The following UNC13D variants were observed in gnomAD, a reference collection of about 807,000 sequenced individuals.
UNC13D encodes unc-13 homolog D.
Under a neutral mutation model 151.7 loss-of-function variants are expected in UNC13D, and 115 were observed. That is an observed-to-expected ratio of 0.76 (90% confidence interval 0.65 to 0.88). The LOEUF is 0.88. UNC13D is among the 40% of genes least tolerant of loss of function. UNC13D has a pLI of 0.00. For synonymous variants in UNC13D, 588 were observed against 612.2 expected (o/e 0.96, Z 0.58); for missense variants, 1,369 against 1,438.7 (o/e 0.95, Z 0.78).
Position 75,834,402 on chromosome 17 carries a change from G to A in UNC13D, c.2221C>T (p.Leu741=). 1 of 1,585,868 alleles carries A rather than the reference G, an allele frequency of 6.3e-7. No homozygotes were observed. Among genetic ancestry groups the A allele is most frequent in the Non-Finnish European group, 8.5e-7 (1 of 1,173,408 alleles). The change falls in exon 23 of 32, where the codon CTG becomes TTG. Residue 741 remains leucine (L), a synonymous_variant. Transcript: ENST00000207549. ...AGCGCGCTCTGCAGCTGGGCATGCA[G>A]CGTGTTCTGCAGCTGCCCCTGCTCC... The part of the protein sequence containing the change: ...VLEQGQLQNT[L]HAQLQSALAG...
chr17:75,828,956 C>T lies in UNC13D; in HGVS notation c.2982G>A (p.Lys994=), dbSNP rs1209913983. 3.1e-6 allele frequency: 5 copies of T among 1,605,036 alleles called. No individual in the cohort carries two copies. Among genetic ancestry groups the T allele is most frequent in the Non-Finnish European group, 4.2e-6 (5 of 1,179,554 alleles). Reference sequence around the variant, plus strand: ...CGGTGAGCAGGAGGCATGCCCCAGCCTTGCGGCACGGCTCAGCAGGCACCA... The same window carrying T: ...CGGTGAGCAGGAGGCATGCCCCAGCTTTGCGGCACGGCTCAGCAGGCACCA... ...EFLVPAEPCR[K]AGACLLLTVL... The change falls in exon 31 of 32, where the codon AAG becomes AAA. Residue 994 remains lysine, a synonymous_variant. Transcript: ENST00000207549.
At chr17:75,841,373 G>A (rs1324024246) in intron 6 of UNC13D, among the ~76,000 whole-genome samples, 1 of 151,110 alleles carries the variant, frequency 6.6e-6, no homozygotes, top group Non-Finnish European at 1.5e-5. Context: ...TTGAGCTTCT[G>A]ACCTCGTGAT....
intron 20 of UNC13D, 88 bp downstream of exon 20, chr17:75,835,321 G>T: frequency 6.5e-7 from 1 of 1,540,138 alleles, no homozygotes. Flanking sequence ...GCGGGTTACT[G>T]GCTTTTACTA....
At chr17:75,834,292 G>A (rs770470015) in intron 23 of UNC13D, 33 bp downstream of exon 23, 3 of 1,589,942 alleles carry the variant, frequency 1.9e-6, no homozygotes, top group Non-Finnish European at 1.7e-6. Context: ...AAGACGGGAT[G>A]GGATGGGGTG....
At position 75,831,344 on chromosome 17, in the gene UNC13D, G is replaced by C; in HGVS notation, c.2452C>G (p.Leu818Val). The change falls in exon 26 of 32, where the codon CTG (leucine) becomes GTG (valine). Residue 818 changes from leucine to valine, a missense_variant. By Grantham distance (32) the Leu-to-Val change is conservative (BLOSUM62 1). Around this residue, in one of 3 missense-constraint regions of UNC13D, gnomAD observed 807 missense variants for 795.5 expected, o/e 1.01. Coordinates refer to ENST00000207549, the MANE Select transcript of UNC13D (RefSeq NM_199242.3). ...NLVQENFSSL[L>V]TLLWTHTLTV... ...AGTGTGTGGGTCCAGAGCAGGGTCAGGAGGCTGGGGCGGGGCCGGAGGGAT... is the reference window on the plus strand; with the variant it reads ...AGTGTGTGGGTCCAGAGCAGGGTCACGAGGCTGGGGCGGGGCCGGAGGGAT... The C allele has an allele frequency of 6.3e-7, 1 of 1,597,830 alleles. No individual in the cohort carries two copies. Among genetic ancestry groups the C allele is most frequent in the Non-Finnish European group, 8.5e-7 (1 of 1,179,654 alleles).
rs375860793 is a variant in UNC13D, at chr17:75,836,126, G to T, written c.1447-17C>A. 1.2e-5 allele frequency: 20 copies of T among 1,612,660 alleles called. No homozygotes were observed. In the South Asian group the frequency reaches 2.2e-4, roughly 18 times the overall value. On this transcript the variant is annotated splice_polypyrimidine_tract_variant and intron_variant, in intron 16 of 31. Transcript: ENST00000207549. ...CGGGATGCCCTGCAGAGACAGAGGT[G>T]GGCTGGGCAGGGCTGCCAGAGGCAG...
chr17:75,840,615 G>T lies in UNC13D; in HGVS notation c.684-39C>A, dbSNP rs1376938242. ...GGTCCCATAAGGGGGACGCAGCAAG[G>T]GTCGGAAGGGATTAGGCTGGAATCC... On this transcript the variant is annotated intron_variant, in intron 8 of 31. Coordinates refer to ENST00000207549, the MANE Select transcript of UNC13D (RefSeq NM_199242.3). The surrounding 1 kb of genome is among the most constrained non-coding windows in gnomAD (Gnocchi z 4.6). 6.2e-7 allele frequency: 1 copy of T among 1,613,676 alleles called. No individual in the cohort carries two copies. The highest frequency in any genetic ancestry group is 8.5e-7 in the Non-Finnish European group (1 of 1,179,822).
rs750613531 is a variant in UNC13D at position 75,843,265 on chromosome 17, C to T, written c.155G>A (p.Arg52Gln). Residue 52 changes from arginine to glutamine, a missense_variant and splice_region_variant, in exon 3 of 32, where the codon CGG (arginine) becomes CAG (glutamine). Transcript: ENST00000207549. Reference protein sequence around the residue: ...PPSHHFSPEQRALLYEDALYT... With the variant: ...PPSHHFSPEQQALLYEDALYT... ...GAGTGCGTCCTCGTAGAGCAGGGCCCGCTAAGACACACGGGGTCACCTTGG... is the reference window on the plus strand; with the variant it reads ...GAGTGCGTCCTCGTAGAGCAGGGCCTGCTAAGACACACGGGGTCACCTTGG... 1.0e-5 allele frequency: 16 copies of T among 1,606,152 alleles called. No individual in the cohort carries two copies. In the Middle Eastern group the frequency reaches 5.0e-4, roughly 50 times the overall value.
Position 75,827,712 on chromosome 17 carries a change from C to T in UNC13D, c.*253G>A. 7 of 1,516,828 alleles carry T rather than the reference C, an allele frequency of 4.6e-6. No homozygotes were observed. The highest frequency in any genetic ancestry group is 6.2e-6 in the Non-Finnish European group (7 of 1,134,330). 94.0% of individuals were successfully genotyped at this position (1,516,828 alleles called of 1,614,324 possible). ...GCGGGCAGGGGCAGGGTTTGCTCCC[C>T]CTGGTGCTGGGATGTGGTAGAGACA... On this transcript the variant is annotated 3_prime_UTR_variant, in exon 32 of 32. Coordinates refer to ENST00000207549, the MANE Select transcript of UNC13D (RefSeq NM_199242.3).
intron 25 of UNC13D, chr17:75,831,615 C>T (rs2064873284): frequency 1.9e-6 from 1 of 532,548 alleles, no homozygotes; most frequent in East Asian, 3.2e-5. Flanking sequence ...ACGGAATGCA[C>T]AAACAAGGCT....
rs527533270 is a variant in UNC13D, at chr17:75,832,781, C to T, written c.2447+185G>A. The T allele has an allele frequency of 1.8e-4, 107 of 596,010 alleles. No individual in the cohort carries two copies. The highest frequency in any genetic ancestry group is 2.5e-4 in the Non-Finnish European group (83 of 327,240). 36.9% of individuals were successfully genotyped at this position (596,010 alleles called of 1,614,324 possible). ...GGAGGTCACCAAAGGGATTCACCTC[C>T]ACCCCTCAGAACGGATGCTGAGGCC... On this transcript the variant is annotated intron_variant, in intron 25 of 31. Transcript: ENST00000207549. This position sits in a 1 kb window ranked among gnomAD's most constrained non-coding sequence, Gnocchi z 4.3.
intron 31 of UNC13D, among the ~76,000 whole-genome samples, chr17:75,828,503 T>A (rs531326756): frequency 1.3e-5 from 2 of 152,360 alleles, no homozygotes; most frequent in African/African-American, 4.8e-5. Context: ...AGACCGTTGC[T>A]GGTATCAAAA....
At chr17:75,842,676 C>T in intron 5 of UNC13D, 63 bp from the exon 6 acceptor site, 1 of 1,607,128 alleles carries the variant, frequency 6.2e-7, no homozygotes, top group East Asian at 2.2e-5. Context: ...GAGAGGCCCT[C>T]ATCACCCCCG....
At chr17:75,831,039 G>A (rs1183938530) in intron 27 of UNC13D, 59 bp downstream of exon 27, 2 of 1,595,698 alleles carry the variant, frequency 1.3e-6, no homozygotes, top group East Asian at 2.2e-5. Flanking sequence ...GGACATAGGT[G>A]AGTGCCAAAA....
intron 30 of UNC13D, chr17:75,829,639 C>T (rs1312568525): frequency 5.5e-6 from 1 of 181,720 alleles, no homozygotes; most frequent in African/African-American, 2.5e-5. Flanking sequence ...CACTCTGTCG[C>T]CCAGGCTGGA....
chr17:75,843,605 A>AGGCCAAG lies in UNC13D; in HGVS notation c.118-93_118-87dup. ...GAATGGCTCCTCTGAGGCCTGATCC[A>AGGCCAAG]GGCCAAGGGTATGGGGGCCCCAGCA... On this transcript the variant is annotated intron_variant, in intron 1 of 31. Coordinates refer to ENST00000207549, the MANE Select transcript of UNC13D (RefSeq NM_199242.3). The AGGCCAAG allele has an allele frequency of 3.8e-6, 6 of 1,567,470 alleles. No individual in the cohort carries two copies. In the South Asian group the frequency reaches 7.0e-5, roughly 18 times the overall value.
rs772225192 is a variant in UNC13D, at chr17:75,840,791, C to T, written c.654G>A (p.Gly218=). The stretch of plus-strand genomic sequence containing the variant: ...GAAGCCCATGCAGATCCGTGAGCTC[C>T]CCAAGCTTCTGTCGGACAGACTCCA... ...DTVESVRQKL[G]ELTDLHGLRR... is the part of the protein sequence containing the mutation. Residue 218 remains glycine, a synonymous_variant, in exon 8 of 32, where the codon GGG becomes GGA. Coordinates refer to ENST00000207549, the MANE Select transcript of UNC13D (RefSeq NM_199242.3). This position sits in a 1 kb window ranked among gnomAD's most constrained non-coding sequence, Gnocchi z 4.6. 1 of 1,613,888 alleles carries T rather than the reference C, an allele frequency of 6.2e-7. No homozygotes were observed. Among genetic ancestry groups the T allele is most frequent in the Admixed American group, 1.7e-5 (1 of 60,008 alleles).
intron 1 of UNC13D, 128 bp downstream of exon 1, chr17:75,844,093 G>A (rs1186364999): frequency 2.7e-6 from 4 of 1,497,550 alleles, no homozygotes; most frequent in Non-Finnish European, 3.6e-6. Flanking sequence ...CCAGGGTGGA[G>A]TAGGCAGGGG....
rs780512351 is a variant in UNC13D at position 75,833,039 on chromosome 17, G to A, written c.2374C>T (p.Leu792=). Residue 792 remains leucine (L), a synonymous_variant, in exon 25 of 32, where the codon CTG becomes TTG. Coordinates refer to ENST00000207549, the MANE Select transcript of UNC13D (RefSeq NM_199242.3). The surrounding 1 kb of genome is among the most constrained non-coding windows in gnomAD (Gnocchi z 4.0). Reference sequence around the variant, plus strand: ...ACCTCCAGGAACTTCATCAGGGGCAGAATGGCCTGGGGAGGGAGATGGGGA... The same window carrying A: ...ACCTCCAGGAACTTCATCAGGGGCAAAATGGCCTGGGGAGGGAGATGGGGA... ...RESVLPEDAI[L]PLMKFLEVEL... is the part of the protein sequence containing the mutation. 1 of 1,605,142 alleles carries A rather than the reference G, an allele frequency of 6.2e-7. No individual in the cohort carries two copies. Among genetic ancestry groups the A allele is most frequent in the Admixed American group, 1.7e-5 (1 of 58,628 alleles).
Sources: gnomAD v4.1 joint callset for allele counts (sites outside exome capture counted in the v4.1 genomes callset) on GRCh38, gnomAD v4.1.1 for gene constraint, gnomAD v4.1.1 regional missense constraint, Gnocchi (gnomAD v3.1) non-coding constraint, MANE v1.5 for transcripts, NCBI Gene and HGNC (gene_info 2026-07-23, HGNC 2026-07-21) for gene names.